Variants in KAT6A observed in about 807,000 individuals in gnomAD.
KAT6A encodes the protein histone acetyltransferase KAT6A.
KAT6A carries 9 observed loss-of-function variants against 198.4 expected under a neutral mutation model. The observed-to-expected ratio is 0.05, with a 90% CI of 0.03 to 0.08. The LOEUF (loss-of-function observed/expected upper bound fraction) is 0.08. KAT6A is among the 10% of genes least tolerant of loss of function. The pLI is 1.00. For missense variants in KAT6A, 2,077 were observed against 2,509.9 expected, an observed-to-expected ratio of 0.83 and a Z score of 3.69; for synonymous variants, 890 against 883.0, an observed-to-expected ratio of 1.01 and a Z score of -0.14.
At chr8:41,935,653 C>T (rs1821812045) in intron 16 of KAT6A, among the ~76,000 whole-genome samples, 1 of 151,944 alleles carries the variant, frequency 6.6e-6, no homozygotes, top group African/African-American at 2.4e-5. Flanking sequence ...ACTCACATTG[C>T]CTATTAATTT....
intron 3 of KAT6A, among the ~76,000 whole-genome samples, chr8:41,985,119 G>A (rs1484833584): frequency 1.3e-5 from 2 of 151,838 alleles, no homozygotes; most frequent in African/African-American, 2.4e-5. Context: ...TCCTCTCCTC[G>A]GTTTCATTCC....
intron 2 of KAT6A, among the ~76,000 whole-genome samples, chr8:42,024,269 G>A (rs571765390): frequency 1.3e-5 from 2 of 152,210 alleles, no homozygotes; most frequent in South Asian, 2.1e-4. Context: ...ACACTATAAT[G>A]TCTATGACAT....
chr8:41,978,288 T>G (rs1242885923), intron 6 of KAT6A, among the ~76,000 whole-genome samples: 1 of 152,202 alleles, frequency 6.6e-6, no homozygotes, highest in East Asian at 1.9e-4. Flanking sequence ...TGTTTTTATA[T>G]AAGAGAAGCA....
At chr8:42,018,461 G>A (rs1023125576) in intron 2 of KAT6A, among the ~76,000 whole-genome samples, 4 of 152,162 alleles carry the variant, frequency 2.6e-5, no homozygotes, top group Admixed American at 1.3e-4. Context: ...GCAGTAAGCC[G>A]AGATTGTGCC....
intron 2 of KAT6A, among the ~76,000 whole-genome samples, chr8:42,042,596 G>A (rs1767140636): frequency 6.6e-6 from 1 of 152,160 alleles, no homozygotes; most frequent in Non-Finnish European, 1.5e-5. Context: ...TGACCAAATT[G>A]AGATGTAACT....
At chr8:42,033,180 G>C (rs1193742565) in intron 2 of KAT6A, among the ~76,000 whole-genome samples, 1 of 152,004 alleles carries the variant, frequency 6.6e-6, no homozygotes, top group Non-Finnish European at 1.5e-5. Context: ...GCCAAACCTT[G>C]GCTATTCTTA....
In KAT6A at chr8:41,980,857, C is replaced by G; in HGVS notation, c.896G>C (p.Arg299Pro). The change falls in exon 5 of 17, where the codon CGT becomes CCT. Residue 299 changes from arginine (R) to proline (P), a missense_variant. Coordinates refer to ENST00000265713, the MANE Select transcript of KAT6A (RefSeq NM_006766.5). ...AAAGTATTTCTCACCTTTTGGCATACGGGTGAGTGGCGGATCACAACACTC... is the reference window on the plus strand; with the variant it reads ...AAAGTATTTCTCACCTTTTGGCATAGGGGTGAGTGGCGGATCACAACACTC... ...HMECCDPPLT[R>P]MPKGMWICQI... The G allele has an allele frequency of 6.2e-7, 1 of 1,610,432 alleles. No individual in the cohort carries two copies.
chr8:42,039,648 A>C (rs554536425), intron 2 of KAT6A, among the ~76,000 whole-genome samples: 148 of 152,348 alleles, frequency 9.7e-4, no homozygotes, highest in African/African-American at 3.3e-3. Context: ...AAGGGTAAAA[A>C]GAAATTTAAT....
rs1438942344 is a variant in KAT6A at position 42,016,182 on chromosome 8, G to A, written c.601-28619C>T. 2.6e-5 allele frequency among the ~76,000 whole-genome samples: 4 copies of A among 152,146 alleles called. No individual in the cohort carries two copies. In the East Asian group the frequency reaches 7.7e-4, roughly 29 times the overall value. ...CAGGTGTAGAGGTGGGAATTCCACA[G>A]TTCCTTCGCTATGTTTATGTGAAAT... On this transcript the variant is annotated intron_variant, in intron 2 of 16. Transcript: ENST00000265713.
Position 41,942,933 on chromosome 8 carries a change from G to A in KAT6A, c.2296C>T (p.Pro766Ser). The change falls in exon 14 of 17, where the codon CCT (proline) becomes TCT (serine). Residue 766 changes from proline (P) to serine (S), a missense_variant. By Grantham distance (74) the Pro-to-Ser change is moderately conservative. This residue lies in a region of KAT6A where 127 missense variants were observed against 209.6 expected (regional missense o/e 0.61). Coordinates refer to ENST00000265713, the MANE Select transcript of KAT6A (RefSeq NM_006766.5). ...AAACATTCTGGATCTACATCTACAG[G>A]TCGCAAATTCAGCTGAAGCTTTGCC... is the stretch of plus-strand genomic sequence containing the variant. ...HMAKLQLNLRPVDVDPECLRW... is the reference protein window; with the variant it reads ...HMAKLQLNLRSVDVDPECLRW... 2 of 1,614,126 alleles carry A rather than the reference G, an allele frequency of 1.2e-6. No homozygotes were observed. The highest frequency in any genetic ancestry group is 2.2e-5 in the East Asian group (1 of 44,892).
chr8:41,985,013 A>G (rs187657471), intron 3 of KAT6A, among the ~76,000 whole-genome samples: 1 of 152,172 alleles, frequency 6.6e-6, no homozygotes, highest in East Asian at 1.9e-4. Flanking sequence ...CGCTACAGTA[A>G]TAGTTTTCAA....
At chr8:41,977,492 T>C (rs890077086) in intron 6 of KAT6A, 165 bp from the exon 7 acceptor site, 1 of 504,230 alleles carries the variant, frequency 2.0e-6, no homozygotes, top group African/African-American at 1.9e-5. Context: ...TGAAAATTAA[T>C]ATTATTATTA....
At position 41,934,780 on chromosome 8, in the gene KAT6A, T is replaced by A. The variant is rs545152883; in HGVS notation, c.3440A>T (p.Lys1147Ile). The A allele has an allele frequency of 1.1e-4, 173 of 1,614,142 alleles. 3 individuals are homozygous for A. The South Asian group carries it at 1.8e-3, about 17-fold the overall frequency. ...PLEPDTSTPL[K>I]KKKGWPKGKS... The stretch of plus-strand genomic sequence containing the variant: ...GCCTTTGGGCCATCCCTTTTTCTTT[T>A]TCAAAGGTGTGGATGTATCTGGCTC... The change falls in exon 17 of 17, where the codon AAA becomes ATA. Residue 1147 changes from lysine to isoleucine, a missense_variant. Physicochemically the swap from Lys to Ile is moderately radical, Grantham distance 102. Transcript: ENST00000265713.
At chr8:42,028,970 C>T (rs895104190) in intron 2 of KAT6A, among the ~76,000 whole-genome samples, 1 of 152,112 alleles carries the variant, frequency 6.6e-6, no homozygotes, top group African/African-American at 2.4e-5. Flanking sequence ...TTAAGCATTT[C>T]TTGTAGGGCC....
chr8:42,037,777 C>T (rs1200694858), intron 2 of KAT6A, among the ~76,000 whole-genome samples: 4 of 151,738 alleles, frequency 2.6e-5, no homozygotes, highest in Non-Finnish European at 5.9e-5. Context: ...TTAAAATCGC[C>T]CAGTTATTTT....
intron 2 of KAT6A, among the ~76,000 whole-genome samples, chr8:42,030,729 A>C (rs564239890): frequency 1.8e-3 from 269 of 151,864 alleles, no homozygotes; most frequent in Middle Eastern, 0.014. Flanking sequence ...CACACCTGAC[A>C]AATTTTTTGT....
chr8:41,984,819 T>TA (rs1265647593), intron 3 of KAT6A, among the ~76,000 whole-genome samples: 1 of 151,836 alleles, frequency 6.6e-6, no homozygotes, highest in Non-Finnish European at 1.5e-5. Context: ...CCACCTCTAC[T>TA]AAAAATACCA....
chr8:41,939,240 CA>C lies in KAT6A; in HGVS notation c.3039+1601del, dbSNP rs1821990960. ...GGTAGAAATCTTAAGTGTGGCTATG[CA>C]CAGTGACTTCCTTCCAGTAAAGGGA... On this transcript the variant is annotated intron_variant, in intron 15 of 16. Transcript: ENST00000265713. 2.6e-5 allele frequency among the ~76,000 whole-genome samples: 4 copies of C among 152,156 alleles called. No homozygotes were observed. In the South Asian group the frequency reaches 8.3e-4, roughly 32 times the overall value.
chr8:41,933,414 G>A lies in KAT6A; in HGVS notation c.4806C>T (p.Ser1602=), dbSNP rs1214767659. The A allele has an allele frequency of 4.3e-6, 7 of 1,610,926 alleles. No individual in the cohort carries two copies. Among genetic ancestry groups the A allele is most frequent in the Non-Finnish European group, 5.9e-6 (7 of 1,179,252 alleles). The change falls in exon 17 of 17, where the codon AGC becomes AGT. Residue 1602 remains serine (S), a synonymous_variant. Transcript: ENST00000265713. This position sits in a 1 kb window ranked among gnomAD's most constrained non-coding sequence, Gnocchi z 6.2. ...LSSSSSLTQS[S]CVVTQQMASM... ...TGGCCATCTGCTGAGTGACCACACA[G>A]CTGCTCTGGGTGAGGCTGCTGGAGG...
Sources: allele counts gnomAD v4.1 joint callset (sites outside exome capture counted in the v4.1 genomes callset), GRCh38; gene constraint gnomAD v4.1.1; regional missense constraint gnomAD v4.1.1; non-coding constraint Gnocchi (gnomAD v3.1); transcripts MANE v1.5; gene names NCBI Gene and HGNC (gene_info 2026-07-23, HGNC 2026-07-21).